XKR9: variants seen among roughly 807,000 people sequenced by gnomAD.
XKR9 encodes the protein XK-related protein 9.
In XKR9, 32 loss-of-function variants were observed where a neutral mutation model predicts 32.0. The ratio of observed to expected loss-of-function variants is 1.00; its 90% CI spans 0.76 to 1.34. The LOEUF is 1.34. Ranked by LOEUF, XKR9 falls within the 40% of genes most tolerant of loss-of-function variation. The probability of loss-of-function intolerance (pLI) is 0.00; values close to 1 mark genes in which losing one functional copy is unlikely to be tolerated. For missense variants in XKR9, 546 were observed against 429.7 expected (o/e 1.27, Z -2.39); for synonymous variants, 168 against 143.4 (o/e 1.17, Z -1.22).
the XKR9 span, among the ~76,000 whole-genome samples, chr8:71,045,792 G>A: frequency 1.3e-5 from 2 of 152,218 alleles, no homozygotes; most frequent in Admixed American, 1.3e-4. Context: ...ATGCAGCTTT[G>A]ATGTGGTATG....
chr8:71,021,723 G>A, the XKR9 span, among the ~76,000 whole-genome samples: 16 of 151,890 alleles, frequency 1.1e-4, no homozygotes, highest in Non-Finnish European at 2.1e-4. Context: ...GGATGGTCTC[G>A]ATCTCCTGAC....
At chr8:70,694,061 T>A (rs1422259004) in intron 3 of XKR9, among the ~76,000 whole-genome samples, 1 of 151,996 alleles carries the variant, frequency 6.6e-6, no homozygotes, top group Non-Finnish European at 1.5e-5. Flanking sequence ...CACTTTTCTG[T>A]AGGGCTGCTG....
the XKR9 span, among the ~76,000 whole-genome samples, chr8:70,814,577 A>G: frequency 1.3e-5 from 2 of 152,066 alleles, no homozygotes; most frequent in Admixed American, 1.3e-4. Context: ...CCCTCAACAA[A>G]CTAGAAAGAA....
chr8:70,973,409 C>G, the XKR9 span, among the ~76,000 whole-genome samples: 1 of 151,968 alleles, frequency 6.6e-6, no homozygotes, highest in South Asian at 2.1e-4. Flanking sequence ...TTCAAAGAAC[C>G]AGCTTTTTGT....
At chr8:70,786,390 A>G (rs1190037092) in intron 2 of XKR9, among the ~76,000 whole-genome samples, 1 of 152,076 alleles carries the variant, frequency 6.6e-6, no homozygotes, top group African/African-American at 2.4e-5. Context: ...ATCTTCTATA[A>G]TTATTGAATT....
chr8:70,910,767 A>G, the XKR9 span, among the ~76,000 whole-genome samples: 2 of 152,216 alleles, frequency 1.3e-5, no homozygotes, highest in African/African-American at 4.8e-5. Flanking sequence ...GCTAAAATCA[A>G]AGTGTCTTAT....
At chr8:70,712,839 T>G (rs1369920083) in intron 4 of XKR9, among the ~76,000 whole-genome samples, 2 of 152,116 alleles carry the variant, frequency 1.3e-5, no homozygotes, top group Admixed American at 1.3e-4. Flanking sequence ...AAATCCTCCC[T>G]GGAAGAATTC....
intron 3 of XKR9, among the ~76,000 whole-genome samples, chr8:70,699,713 T>A (rs989584239): frequency 2.6e-5 from 4 of 152,140 alleles, no homozygotes; most frequent in South Asian, 2.1e-4. Flanking sequence ...GTATTTCCTG[T>A]ATGTGAATGT....
chr8:70,843,553 C>A, the XKR9 span, among the ~76,000 whole-genome samples: 1 of 152,138 alleles, frequency 6.6e-6, no homozygotes, highest in Non-Finnish European at 1.5e-5. Flanking sequence ...TAAGAGAGAG[C>A]ACTGAAATTC....
chr8:70,922,731 G>T, the XKR9 span, among the ~76,000 whole-genome samples: 4,612 of 152,268 alleles, frequency 0.03, 119 homozygotes, highest in Non-Finnish European at 0.04. Context: ...GCCTTGTGTG[G>T]CACATGACAA....
chr8:70,991,996 T>A, the XKR9 span, among the ~76,000 whole-genome samples: 1 of 152,204 alleles, frequency 6.6e-6, no homozygotes, highest in Non-Finnish European at 1.5e-5. Flanking sequence ...TGTCAAAGCC[T>A]GTAATATTAA....
chr8:70,866,071 C>A, the XKR9 span, among the ~76,000 whole-genome samples: 1 of 152,214 alleles, frequency 6.6e-6, no homozygotes, highest in African/African-American at 2.4e-5. Context: ...CTGAAGCCCC[C>A]TTCATAATAA....
chr8:70,790,106 G>C (rs1240072141), exon 4 of XKR9: 2 of 145,396 alleles, frequency 1.4e-5, no homozygotes, highest in African/African-American at 5.1e-5. Flanking sequence ...ACTCATCTTA[G>C]CCCTGTGATT....
At chr8:70,784,865 TTTC>T (rs1807662459) in intron 2 of XKR9, among the ~76,000 whole-genome samples, 1 of 152,184 alleles carries the variant, frequency 6.6e-6, no homozygotes, top group Admixed American at 6.5e-5. Flanking sequence ...TTGTGATACA[TTTC>T]TTCTATACCT....
chr8:70,915,009 T>G, the XKR9 span, among the ~76,000 whole-genome samples: 1 of 151,956 alleles, frequency 6.6e-6, no homozygotes, highest in Non-Finnish European at 1.5e-5. Context: ...CAAGGATAGT[T>G]TGGTGAGCAG....
the XKR9 span, among the ~76,000 whole-genome samples, chr8:70,990,323 C>A: frequency 1.3e-5 from 2 of 152,114 alleles, no homozygotes; most frequent in African/African-American, 4.8e-5. Context: ...GCTCACATCC[C>A]AGGACTGCTC....
At chr8:70,886,619 T>C in the XKR9 span, among the ~76,000 whole-genome samples, 1 of 152,132 alleles carries the variant, frequency 6.6e-6, no homozygotes, top group African/African-American at 2.4e-5. Flanking sequence ...GTGGTTTTGA[T>C]TTGCATTTCT....
At chr8:70,922,299 C>T in the XKR9 span, among the ~76,000 whole-genome samples, 1 of 152,030 alleles carries the variant, frequency 6.6e-6, no homozygotes, top group Non-Finnish European at 1.5e-5. Context: ...CATTTAGAAG[C>T]GCCACTCAAA....
chr8:70,892,500 T>G, the XKR9 span, among the ~76,000 whole-genome samples: 10 of 152,176 alleles, frequency 6.6e-5, no homozygotes, highest in African/African-American at 2.4e-4. Context: ...TGGGAGTCCC[T>G]TGAGCATTTC....
Sources: allele counts gnomAD v4.1 joint callset (sites outside exome capture counted in the v4.1 genomes callset), GRCh38; gene constraint gnomAD v4.1.1; transcripts MANE v1.5; gene names NCBI Gene and HGNC (gene_info 2026-07-23, HGNC 2026-07-21).